The following URM1 variants were observed in gnomAD, a reference collection of about 807,000 sequenced individuals.
URM1 encodes the protein ubiquitin-related modifier 1.
Under a neutral mutation model 17.7 loss-of-function variants are expected in URM1, and 11 were observed. The ratio of observed to expected loss-of-function variants is 0.62; its 90% CI spans 0.39 to 1.03. The LOEUF is 1.03. Among genes scored for constraint, URM1 ranks in the 50% least tolerant of loss-of-function variants. URM1 has a pLI of 0.00. For synonymous variants in URM1, 48 were observed against 50.6 expected (o/e 0.95, Z 0.22); for missense variants, 128 against 129.2 (o/e 0.99, Z 0.04).
chr9:128,389,755 G>A lies in URM1; in HGVS notation c.*21G>A, dbSNP rs759500572. 5.0e-6 allele frequency: 8 copies of A among 1,613,248 alleles called. No homozygotes were observed. The highest frequency in any genetic ancestry group is 4.0e-5 in the African/African-American group (3 of 74,928). ...GCTGAGGGCCCTTCTCTGGGCCTGG[G>A]CACCCTTAGAGGGGAGAACGAAGCA... On this transcript the variant is annotated 3_prime_UTR_variant, in exon 5 of 5. Coordinates refer to ENST00000372853, the MANE Select transcript of URM1 (RefSeq NM_030914.4).
intron 2 of URM1, among the ~76,000 whole-genome samples, chr9:128,385,469 C>T (rs1833213845): frequency 6.6e-6 from 1 of 152,114 alleles, no homozygotes; most frequent in Admixed American, 6.5e-5. Flanking sequence ...TGCATGATCA[C>T]ACGGGATCCC....
intron 1 of URM1, among the ~76,000 whole-genome samples, chr9:128,374,837 A>C (rs964526598): frequency 1.3e-5 from 2 of 152,362 alleles, no homozygotes; most frequent in African/African-American, 4.8e-5. Flanking sequence ...GGGCGCTGAA[A>C]GAGCCCTGGC....
intron 3 of URM1, chr9:128,388,282 T>A (rs1256768784): frequency 9.4e-7 from 1 of 1,068,434 alleles, no homozygotes. Context: ...TCATTGTAAT[T>A]TAAATAGCCA....
intron 1 of URM1, among the ~76,000 whole-genome samples, chr9:128,374,649 C>T (rs576487189): frequency 1.7e-4 from 26 of 152,338 alleles, no homozygotes; most frequent in African/African-American, 5.5e-4. Flanking sequence ...CATGACAATG[C>T]TTGCCTTGCC....
At chr9:128,381,551 C>T (rs1833159785) in intron 2 of URM1, among the ~76,000 whole-genome samples, 1 of 152,182 alleles carries the variant, frequency 6.6e-6, no homozygotes, top group Non-Finnish European at 1.5e-5. Flanking sequence ...ACAAAAATAG[C>T]TGGGCATGGT....
intron 3 of URM1, chr9:128,388,948 A>G: frequency 3.4e-6 from 4 of 1,187,900 alleles, no homozygotes; most frequent in Non-Finnish European, 4.2e-6. Context: ...CTTGTGGGTT[A>G]GACAGTATCA....
intron 2 of URM1, among the ~76,000 whole-genome samples, chr9:128,378,827 AT>A (rs1833116634): frequency 6.6e-6 from 1 of 151,366 alleles, no homozygotes; most frequent in Non-Finnish European, 1.5e-5. Flanking sequence ...CGCGCTTGTA[AT>A]CCCAGCTACT....
rs1833178835 is a variant in URM1 at position 128,382,938 on chromosome 9, AG to A, written c.106+4834del. ...CCCTTTGACCCAAGGCCCCCTGCCC[AG>A]GCCCCAAGTGTAGACATGGCCGCCT... is the stretch of plus-strand genomic sequence containing the variant. On this transcript the variant is annotated intron_variant, in intron 2 of 4. Transcript: ENST00000372853. Among the ~76,000 whole-genome samples the A allele has an allele frequency of 3.9e-5, 6 of 152,080 alleles. No homozygotes were observed. The South Asian group carries it at 1.2e-3, about 31-fold the overall frequency.
At chr9:128,388,260 T>C in intron 3 of URM1, 1 of 1,092,548 alleles carries the variant, frequency 9.2e-7, no homozygotes, top group Non-Finnish European at 1.1e-6. Flanking sequence ...GAGCTAAATA[T>C]TCTGTTTTAT....
chr9:128,371,433 G>A lies in URM1; in HGVS notation c.35+18G>A. 6.2e-7 allele frequency: 1 copy of A among 1,611,102 alleles called. No homozygotes were observed. Among genetic ancestry groups the A allele is most frequent in the Non-Finnish European group, 8.5e-7 (1 of 1,178,094 alleles). The stretch of plus-strand genomic sequence containing the variant: ...GAGTTCGGGTGAGTCACAGAGCTGG[G>A]GCGCCGTGGGGATGGATTGAAGTCG... On this transcript the variant is annotated intron_variant, in intron 1 of 4. Coordinates refer to ENST00000372853, the MANE Select transcript of URM1 (RefSeq NM_030914.4).
rs908565789 is a variant in URM1, at chr9:128,388,555, G to A, written c.188+658G>A. On this transcript the variant is annotated intron_variant, in intron 3 of 4. Coordinates refer to ENST00000372853, the MANE Select transcript of URM1 (RefSeq NM_030914.4). ...GCCTCGAAGCATAGGTCACTGTCAG[G>A]TCCTAAGGGATCAGGCCTAGGGGAT... 1.9e-5 allele frequency: 19 copies of A among 986,092 alleles called. No homozygotes were observed. The African/African-American group carries it at 3.3e-4, about 17-fold the overall frequency. The allele number at this position is 986,092 out of a possible 1,614,324, so 61.1% of individuals were successfully genotyped here.
At chr9:128,385,098 G>A (rs570815451) in intron 2 of URM1, among the ~76,000 whole-genome samples, 19 of 152,238 alleles carry the variant, frequency 1.2e-4, no homozygotes, top group Admixed American at 3.9e-4. Flanking sequence ...AGGCCCCTAC[G>A]GGAGCAGGCC....
At chr9:128,377,898 C>A in intron 1 of URM1, 138 bp from the exon 2 acceptor site, 1 of 783,792 alleles carries the variant, frequency 1.3e-6, no homozygotes, top group Non-Finnish European at 2.2e-6. Context: ...AGTCACTGCA[C>A]CCAAGGTGTT....
intron 2 of URM1, among the ~76,000 whole-genome samples, chr9:128,383,255 G>T (rs1186036292): frequency 6.6e-6 from 1 of 152,074 alleles, no homozygotes; most frequent in African/African-American, 2.4e-5. Context: ...CAATGAGGAG[G>T]TCCCCTCGCA....
chr9:128,389,593 G>T, intron 4 of URM1, 73 bp from the exon 5 acceptor site: 3 of 1,602,260 alleles, frequency 1.9e-6, no homozygotes, highest in Non-Finnish European at 1.7e-6. Flanking sequence ...CTCAGCCCCT[G>T]TTCTCCCAAC....
intron 2 of URM1, among the ~76,000 whole-genome samples, chr9:128,382,270 C>A (rs1172000590): frequency 6.6e-6 from 1 of 152,076 alleles, no homozygotes. Context: ...AGGTTGGTGA[C>A]CTAGGTCACC....
In URM1 at chr9:128,390,545, T is replaced by TG; in HGVS notation, c.*815dup. The stretch of plus-strand genomic sequence containing the variant: ...ACAACTGAATATAGTGGCTGAAAAC[T>TG]GGGGAGATACTTGATGGCGCGAATG... On this transcript the variant is annotated 3_prime_UTR_variant, in exon 5 of 5. Coordinates refer to ENST00000372853, the MANE Select transcript of URM1 (RefSeq NM_030914.4). The TG allele has an allele frequency of 6.6e-6, 1 of 152,234 alleles. No homozygotes were observed. Among genetic ancestry groups the TG allele is most frequent in the South Asian group, 2.1e-4 (1 of 4,822 alleles). The allele number at this position is 152,234 out of a possible 1,614,324, so 9.4% of individuals were successfully genotyped here.
In URM1 at chr9:128,389,752, T is replaced by C. The variant is rs368000179; in HGVS notation, c.*18T>C. On this transcript the variant is annotated 3_prime_UTR_variant, in exon 5 of 5. Transcript: ENST00000372853. The stretch of plus-strand genomic sequence containing the variant: ...GCGGCTGAGGGCCCTTCTCTGGGCC[T>C]GGGCACCCTTAGAGGGGAGAACGAA... 524 of 1,613,394 alleles carry C rather than the reference T, an allele frequency of 3.2e-4. 9 individuals are homozygous for C. The South Asian group carries it at 5.2e-3, about 16-fold the overall frequency.
intron 4 of URM1, 162 bp from the exon 5 acceptor site, chr9:128,389,504 T>C (rs1184802754): frequency 6.4e-7 from 1 of 1,551,452 alleles, no homozygotes; most frequent in Non-Finnish European, 8.7e-7. Flanking sequence ...GGAGTACTCC[T>C]CCATCCTGAA....
Sources: allele counts gnomAD v4.1 joint callset (sites outside exome capture counted in the v4.1 genomes callset), GRCh38; gene constraint gnomAD v4.1.1; transcripts MANE v1.5; gene names NCBI Gene and HGNC (gene_info 2026-07-23, HGNC 2026-07-21).